The following SLC44A5 variants were observed in gnomAD, a reference collection of about 807,000 sequenced individuals.
The protein encoded by SLC44A5 is solute carrier family 44 member 5.
SLC44A5 carries 57 observed loss-of-function variants against 101.8 expected under a neutral mutation model. The observed-to-expected ratio is 0.56, with a 90% CI of 0.45 to 0.70. The LOEUF is 0.70. Among genes scored for constraint, SLC44A5 ranks in the 30% least tolerant of loss-of-function variants. The pLI, the probability that SLC44A5 is intolerant of heterozygous loss-of-function variation, is 0.00. For synonymous variants in SLC44A5, 281 were observed against 290.9 expected (o/e 0.97, Z 0.35); for missense variants, 737 against 853.1 (o/e 0.86, Z 1.70).
chr1:75,371,035 T>G lies in SLC44A5; in HGVS notation c.52+25548A>C, dbSNP rs146708675. 4.9e-3 allele frequency among the ~76,000 whole-genome samples: 742 copies of G among 152,154 alleles called. 11 individuals are homozygous for G. The highest frequency in any genetic ancestry group is 0.017 in the African/African-American group (716 of 41,520). ...TGCTCTCATCTCATACAGAGAAAACTCCTCAGTTTTCCTGTTGGGTTTGGT... is the reference window on the plus strand; with the variant it reads ...TGCTCTCATCTCATACAGAGAAAACGCCTCAGTTTTCCTGTTGGGTTTGGT... On this transcript the variant is annotated intron_variant, in intron 3 of 23. Coordinates refer to ENST00000370859, the MANE Select transcript of SLC44A5 (RefSeq NM_001130058.2).
rs374468645 is a variant in SLC44A5, at chr1:75,378,786, C to T, written c.52+17797G>A. ...GTGCCCGTAAGATTACAACCTCAAA[C>T]GCAGGTTAAAGAAAATAAGACCCAA... is the stretch of plus-strand genomic sequence containing the variant. On this transcript the variant is annotated intron_variant, in intron 3 of 23. Transcript: ENST00000370859. 6.2e-5 allele frequency among the ~76,000 whole-genome samples: 5 copies of T among 81,106 alleles called. 1 individual carries two copies. The highest frequency in any genetic ancestry group is 2.4e-4 in the Admixed American group (2 of 8,248). The allele number at this position is 81,106 out of a possible 152,430, so 53.2% of individuals were successfully genotyped here. A position where few individuals can be genotyped will look rare whatever the true frequency, so the allele number is the denominator to read the frequency against.
Position 75,435,421 on chromosome 1 carries a change from G to C in SLC44A5, c.14-38800C>G, listed in dbSNP as rs372726172. Among the ~76,000 whole-genome samples the C allele has an allele frequency of 2.8e-4, 43 of 152,146 alleles. No homozygotes were observed. In the East Asian group the frequency reaches 4.5e-3, roughly 16 times the overall value. On this transcript the variant is annotated intron_variant, in intron 2 of 23. Transcript: ENST00000370859. ...ACATCAGCATCACTCTTGGCCCTTG[G>C]GGGGAAAAAGGAGCCTTCTTTTCTA...
At chr1:75,578,174 TAAG>T (rs1326339693) in intron 1 of SLC44A5, among the ~76,000 whole-genome samples, 2 of 152,070 alleles carry the variant, frequency 1.3e-5, no homozygotes, top group Admixed American at 6.6e-5. Flanking sequence ...AAATTTTGAG[TAAG>T]AAGAATTATA....
At chr1:75,692,476 T>C in the SLC44A5 span, among the ~76,000 whole-genome samples, 211 of 152,278 alleles carry the variant, frequency 1.4e-3, no homozygotes, top group African/African-American at 4.6e-3. Flanking sequence ...ATTACAGGCA[T>C]GAGCCACCGC....
At chr1:75,618,311 A>G in the SLC44A5 span, among the ~76,000 whole-genome samples, 1 of 152,234 alleles carries the variant, frequency 6.6e-6, no homozygotes, top group African/African-American at 2.4e-5. Flanking sequence ...TGACAATCAC[A>G]TAAGATCATC....
chr1:75,265,677 C>T (rs957052136), intron 6 of SLC44A5, among the ~76,000 whole-genome samples: 1 of 152,120 alleles, frequency 6.6e-6, no homozygotes, highest in Non-Finnish European at 1.5e-5. Context: ...ACATGCACCC[C>T]ATAGATAGGT....
the SLC44A5 span, among the ~76,000 whole-genome samples, chr1:75,638,732 A>G: frequency 6.6e-6 from 1 of 152,112 alleles, no homozygotes; most frequent in Non-Finnish European, 1.5e-5. Flanking sequence ...GACAAAAAAC[A>G]AAATTCATTA....
the SLC44A5 span, among the ~76,000 whole-genome samples, chr1:75,622,765 A>G: frequency 6.6e-6 from 1 of 152,130 alleles, no homozygotes; most frequent in Non-Finnish European, 1.5e-5. Context: ...CTGCTCAAGG[A>G]CAGAATTTTC....
intron 2 of SLC44A5, among the ~76,000 whole-genome samples, chr1:75,440,034 C>T (rs1665108666): frequency 2.0e-5 from 3 of 151,850 alleles, no homozygotes; most frequent in African/African-American, 7.3e-5. Flanking sequence ...TTAAGAAGTA[C>T]TGAAAAAAAG....
At chr1:75,694,921 G>A in the SLC44A5 span, among the ~76,000 whole-genome samples, 1 of 152,130 alleles carries the variant, frequency 6.6e-6, no homozygotes. Flanking sequence ...CTCAGCATTT[G>A]ACATATTACT....
At chr1:75,379,902 T>C (rs2101237611) in intron 3 of SLC44A5, among the ~76,000 whole-genome samples, 1 of 82,036 alleles carries the variant, frequency 1.2e-5, no homozygotes, top group Non-Finnish European at 2.1e-5. Context: ...AATATAACTA[T>C]TCAACCAACT....
At chr1:75,654,138 CA>C in the SLC44A5 span, among the ~76,000 whole-genome samples, 7 of 152,124 alleles carry the variant, frequency 4.6e-5, no homozygotes, top group East Asian at 1.4e-3. Context: ...TTAATTGTTA[CA>C]ATAAAAATAT....
chr1:75,228,229 T>A (rs1292820717), intron 12 of SLC44A5, among the ~76,000 whole-genome samples: 1 of 152,128 alleles, frequency 6.6e-6, no homozygotes, highest in Non-Finnish European at 1.5e-5. Flanking sequence ...ATTTATTTAT[T>A]TATCCTTGCA....
the SLC44A5 span, among the ~76,000 whole-genome samples, chr1:75,695,273 A>G: frequency 6.6e-6 from 1 of 152,228 alleles, no homozygotes. Flanking sequence ...GCTAACAGAG[A>G]TCAGTGCCCT....
rs554950639 is a variant in SLC44A5, at chr1:75,250,782, A to G, written c.345+428T>C. Among the ~76,000 whole-genome samples the G allele has an allele frequency of 2.6e-5, 4 of 152,290 alleles. No individual in the cohort carries two copies. In the East Asian group the frequency reaches 7.7e-4, roughly 29 times the overall value. ...CCTTAAGATGGAAGGAGCCTAGAGG[A>G]GAGTACCTACTGACCACAGACACCT... On this transcript the variant is annotated intron_variant, in intron 7 of 23. Transcript: ENST00000370859.
the SLC44A5 span, among the ~76,000 whole-genome samples, chr1:75,672,414 G>T: frequency 2.0e-5 from 3 of 152,056 alleles, no homozygotes; most frequent in Non-Finnish European, 4.4e-5. Flanking sequence ...ACCAGCCCTA[G>T]CCAGAGGTGA....
In SLC44A5 at chr1:75,590,631, C is replaced by T. The variant is rs192098152; in HGVS notation, c.-70+20409G>A. 3.3e-5 allele frequency among the ~76,000 whole-genome samples: 5 copies of T among 152,102 alleles called. No individual in the cohort carries two copies. In the South Asian group the frequency reaches 6.2e-4, roughly 19 times the overall value. On this transcript the variant is annotated intron_variant, in intron 1 of 23. Transcript: ENST00000370859. Reference sequence around the variant, plus strand: ...ATTCACACAAGCTGACTTAAGAGTCCGTGGGCCTTAAGGGAACATGGCTGA... The same window carrying T: ...ATTCACACAAGCTGACTTAAGAGTCTGTGGGCCTTAAGGGAACATGGCTGA...
chr1:75,491,578 C>T (rs1557842572), intron 2 of SLC44A5, among the ~76,000 whole-genome samples: 1 of 152,010 alleles, frequency 6.6e-6, no homozygotes, highest in Non-Finnish European at 1.5e-5. Flanking sequence ...TGAATGAGTG[C>T]ACTTTTGATT....
intron 1 of SLC44A5, among the ~76,000 whole-genome samples, chr1:75,549,456 C>T (rs986218186): frequency 2.6e-5 from 4 of 152,116 alleles, no homozygotes; most frequent in Non-Finnish European, 2.9e-5. Flanking sequence ...ACCTCTATCA[C>T]GATGTATTGG....
Sources: allele counts gnomAD v4.1 joint callset (sites outside exome capture counted in the v4.1 genomes callset), GRCh38; gene constraint gnomAD v4.1.1; transcripts MANE v1.5; gene names NCBI Gene and HGNC (gene_info 2026-07-23, HGNC 2026-07-21).